The following IGSF5 variants were observed in gnomAD, a reference collection of about 807,000 sequenced individuals.
IGSF5 encodes immunoglobulin superfamily member 5.
IGSF5 carries 41 observed loss-of-function variants against 39.4 expected under a neutral mutation model. That is an observed-to-expected ratio of 1.04 (90% confidence interval 0.81 to 1.35). The LOEUF (loss-of-function observed/expected upper bound fraction) is 1.35, where lower values mean the gene tolerates loss of function less well. IGSF5 is among the 40% of genes most tolerant of loss of function. The probability of loss-of-function intolerance (pLI) is 0.00; values close to 1 mark genes in which losing one functional copy is unlikely to be tolerated. For missense variants in IGSF5, 487 were observed against 494.6 expected (o/e 0.98, Z 0.15); for synonymous variants, 183 against 175.3 (o/e 1.04, Z -0.34).
intron 2 of IGSF5, among the ~76,000 whole-genome samples, chr21:39,749,373 C>T (rs754279835): frequency 1.3e-5 from 2 of 152,146 alleles, no homozygotes; most frequent in Non-Finnish European, 2.9e-5. Context: ...TCACCACGCC[C>T]GGCTAATTAT....
upstream of IGSF5, among the ~76,000 whole-genome samples, chr21:39,743,871 CAGA>C (rs1175319097): frequency 6.6e-6 from 1 of 152,148 alleles, no homozygotes; most frequent in Non-Finnish European, 1.5e-5. Context: ...GGCGGTACTG[CAGA>C]AGAATATAAG....
At chr21:39,721,950 G>T in the IGSF5 span, among the ~76,000 whole-genome samples, 1 of 152,140 alleles carries the variant, frequency 6.6e-6, no homozygotes, top group Admixed American at 6.5e-5. Context: ...AATATTTTCA[G>T]CTTTGTGGTC....
chr21:39,741,696 G>A (rs150126865), upstream of IGSF5, among the ~76,000 whole-genome samples: 14 of 152,322 alleles, frequency 9.2e-5, no homozygotes, highest in Middle Eastern at 6.8e-3. Context: ...GGTGAGTTGA[G>A]ATGTTGGGTT....
the IGSF5 span, among the ~76,000 whole-genome samples, chr21:39,723,089 G>A: frequency 2.0e-5 from 3 of 152,346 alleles, no homozygotes; most frequent in African/African-American, 7.2e-5. Context: ...TATTAGGTGT[G>A]AGTCAGGTGT....
chr21:39,737,306 G>A, the IGSF5 span, among the ~76,000 whole-genome samples: 10 of 152,232 alleles, frequency 6.6e-5, no homozygotes, highest in Non-Finnish European at 1.0e-4. Flanking sequence ...CAGGGGTGGG[G>A]TTCTCCCCAC....
upstream of IGSF5, among the ~76,000 whole-genome samples, chr21:39,740,980 TA>T (rs960690117): frequency 6.6e-6 from 1 of 152,334 alleles, no homozygotes; most frequent in African/African-American, 2.4e-5. Context: ...CCACTACCCG[TA>T]AACAATGAGG....
At chr21:39,792,155 G>A in intron 7 of IGSF5, 56 bp downstream of exon 7, 1 of 1,232,984 alleles carries the variant, frequency 8.1e-7, no homozygotes, top group Non-Finnish European at 1.2e-6. Flanking sequence ...CTGGAAGAAG[G>A]GCTGGCTTGC....
At chr21:39,786,585 T>C (rs1394272077) in intron 5 of IGSF5, among the ~76,000 whole-genome samples, 1 of 149,302 alleles carries the variant, frequency 6.7e-6, no homozygotes, top group Non-Finnish European at 1.5e-5. Flanking sequence ...AAATACCATT[T>C]GACCCAGCCA....
chr21:39,755,377 G>A (rs1406881644), intron 2 of IGSF5, among the ~76,000 whole-genome samples: 2 of 151,808 alleles, frequency 1.3e-5, no homozygotes, highest in Non-Finnish European at 2.9e-5. Context: ...ACAAGGTCAG[G>A]AGATCGAGAC....
At chr21:39,757,254 C>T (rs1318608145) in intron 2 of IGSF5, among the ~76,000 whole-genome samples, 5 of 89,766 alleles carry the variant, frequency 5.6e-5, no homozygotes. Flanking sequence ...TAGGCCATAT[C>T]ATCTATTTAT....
the IGSF5 span, among the ~76,000 whole-genome samples, chr21:39,737,301 G>T: frequency 3.3e-5 from 5 of 152,076 alleles, no homozygotes; most frequent in African/African-American, 1.2e-4. Flanking sequence ...ATTGGCAGGG[G>T]TGGGGTTCTC....
At chr21:39,741,212 T>C (rs1036791655), upstream of IGSF5, among the ~76,000 whole-genome samples, 3 of 152,220 alleles carry the variant, frequency 2.0e-5, no homozygotes, top group Admixed American at 6.5e-5. Flanking sequence ...CTGCTTCTGC[T>C]TCAGGTGTCC....
intron 2 of IGSF5, among the ~76,000 whole-genome samples, chr21:39,748,932 C>A (rs184281861): frequency 6.6e-6 from 1 of 152,262 alleles, no homozygotes; most frequent in African/African-American, 2.4e-5. Flanking sequence ...ACAAATGAGA[C>A]AAGTGTCTGG....
intron 2 of IGSF5, among the ~76,000 whole-genome samples, chr21:39,756,185 A>T (rs2080029909): frequency 6.6e-6 from 1 of 152,198 alleles, no homozygotes; most frequent in African/African-American, 2.4e-5. Context: ...CTTTCTAAAG[A>T]CCTCAGAGAA....
At chr21:39,753,122 T>C (rs4816646) in intron 2 of IGSF5, among the ~76,000 whole-genome samples, 115,960 of 148,190 alleles carry the variant, frequency 0.78, 44,728 homozygotes, top group Admixed American at 0.83. Context: ...CTTAGAGTTT[T>C]GGATCATAGA....
upstream of IGSF5, among the ~76,000 whole-genome samples, chr21:39,741,051 T>G (rs1822219909): frequency 6.6e-6 from 1 of 152,000 alleles, no homozygotes; most frequent in Non-Finnish European, 1.5e-5. Context: ...TGCAAACTCG[T>G]CCCTCAGACC....
the IGSF5 span, chr21:39,730,778 G>C: frequency 6.6e-6 from 1 of 152,126 alleles, no homozygotes; most frequent in Non-Finnish European, 1.5e-5. Context: ...TGTGCTTTGG[G>C]ATTCATTTTC....
At chr21:39,780,019 C>G (rs1445933929) in intron 5 of IGSF5, among the ~76,000 whole-genome samples, 1 of 152,110 alleles carries the variant, frequency 6.6e-6, no homozygotes, top group Admixed American at 6.6e-5. Context: ...GTATTGTGTA[C>G]TTGAAAATTG....
the IGSF5 span, among the ~76,000 whole-genome samples, chr21:39,719,050 A>G: frequency 2.0e-5 from 3 of 152,136 alleles, no homozygotes; most frequent in African/African-American, 7.2e-5. Context: ...TGTTCCCGGA[A>G]TCCATTTCTT....
Sources: allele counts gnomAD v4.1 joint callset (sites outside exome capture counted in the v4.1 genomes callset), GRCh38; gene constraint gnomAD v4.1.1; transcripts MANE v1.5; gene names NCBI Gene and HGNC (gene_info 2026-07-23, HGNC 2026-07-21).